GRM8: variants seen among roughly 807,000 people sequenced by gnomAD.
The protein encoded by GRM8 is metabotropic glutamate receptor 8.
GRM8 carries 47 observed loss-of-function variants against 87.2 expected under a neutral mutation model. That is an observed-to-expected ratio of 0.54 (90% CI 0.43 to 0.69). The LOEUF is 0.69. Among genes scored for constraint, GRM8 ranks in the 30% least tolerant of loss-of-function variants. The probability of loss-of-function intolerance (pLI) is 0.00; values close to 1 mark genes in which losing one functional copy is unlikely to be tolerated. For synonymous variants in GRM8, 396 were observed against 404.5 expected, an observed-to-expected ratio of 0.98 and a Z score of 0.25; for missense variants, 1,019 against 1,139.2, an observed-to-expected ratio of 0.89 and a Z score of 1.52.
chr7:126,910,341 CTTTCA>C (rs1244062868), intron 3 of GRM8, among the ~76,000 whole-genome samples: 2 of 151,960 alleles, frequency 1.3e-5, no homozygotes, highest in Non-Finnish European at 2.9e-5. Context: ...TGAACCTTGT[CTTTCA>C]AATTTATCAG....
chr7:126,942,213 G>A (rs1807030647), intron 3 of GRM8, among the ~76,000 whole-genome samples: 1 of 152,202 alleles, frequency 6.6e-6, no homozygotes, highest in Non-Finnish European at 1.5e-5. Flanking sequence ...ACTATATTGA[G>A]AACGTACCTA....
At chr7:126,710,766 T>A (rs1811017141) in intron 7 of GRM8, among the ~76,000 whole-genome samples, 1 of 152,252 alleles carries the variant, frequency 6.6e-6, no homozygotes, top group South Asian at 2.1e-4. Flanking sequence ...CTTCCATTAA[T>A]CGTGAATGTT....
At chr7:126,718,951 T>G (rs1215230602) in intron 7 of GRM8, among the ~76,000 whole-genome samples, 1 of 152,238 alleles carries the variant, frequency 6.6e-6, no homozygotes, top group Non-Finnish European at 1.5e-5. Flanking sequence ...ATCTTTCATA[T>G]AGTTACTTTT....
intron 3 of GRM8, among the ~76,000 whole-genome samples, chr7:127,059,713 A>C (rs1043241653): frequency 1.3e-5 from 2 of 152,228 alleles, no homozygotes; most frequent in African/African-American, 2.4e-5. Context: ...AATAGCCTCT[A>C]GATAACTCAT....
rs551149996 is a variant in GRM8 at position 127,126,556 on chromosome 7, G to A, written c.511-19844C>T. On this transcript the variant is annotated intron_variant, in intron 2 of 10. Coordinates refer to ENST00000339582, the MANE Select transcript of GRM8 (RefSeq NM_000845.3). ...TATTCAGGTGATGGATACACTAAAAGCCAAGACTTCACCACTATATAATAT... is the reference window on the plus strand; with the variant it reads ...TATTCAGGTGATGGATACACTAAAAACCAAGACTTCACCACTATATAATAT... 5.9e-3 allele frequency among the ~76,000 whole-genome samples: 892 copies of A among 151,970 alleles called. 4 individuals are homozygous for A. Among genetic ancestry groups the A allele is most frequent in the Non-Finnish European group, 0.011 (726 of 67,846 alleles).
chr7:127,226,460 C>T (rs1024207175), intron 2 of GRM8, among the ~76,000 whole-genome samples: 13 of 152,188 alleles, frequency 8.5e-5, no homozygotes, highest in African/African-American at 3.1e-4. Flanking sequence ...CTGATCTGTA[C>T]CTGAGATTCT....
intron 3 of GRM8, among the ~76,000 whole-genome samples, chr7:126,995,671 CAAAATAAAAAGGAATAAA>C (rs1813111343): frequency 6.6e-6 from 1 of 150,936 alleles, no homozygotes; most frequent in Non-Finnish European, 1.5e-5. Context: ...TCAAAGGAGA[CAAAATAAAAAGGAATAAA>C]AAATAATAAA....
chr7:126,460,929 G>A (rs535004974), intron 9 of GRM8, among the ~76,000 whole-genome samples: 10 of 151,478 alleles, frequency 6.6e-5, no homozygotes, highest in Non-Finnish European at 1.5e-4. Context: ...ATATTTTAGA[G>A]CCATTAGTCA....
chr7:127,117,065 G>A (rs1000305899), intron 2 of GRM8, among the ~76,000 whole-genome samples: 1 of 152,074 alleles, frequency 6.6e-6, no homozygotes, highest in African/African-American at 2.4e-5. Context: ...GCAACTTTAA[G>A]TCAAGAGTCC....
intron 8 of GRM8, among the ~76,000 whole-genome samples, chr7:126,539,136 C>T (rs977348828): frequency 1.3e-5 from 2 of 151,756 alleles, no homozygotes; most frequent in African/African-American, 4.8e-5. Flanking sequence ...GCGAAGACTT[C>T]TCCTATTTTA....
intron 8 of GRM8, among the ~76,000 whole-genome samples, chr7:126,598,943 GT>G (rs1211423220): frequency 6.6e-6 from 1 of 152,010 alleles, no homozygotes; most frequent in Admixed American, 6.6e-5. Context: ...ACTCAGTCCC[GT>G]AAAGAAACTG....
At chr7:126,462,110 G>A (rs562164051) in intron 9 of GRM8, among the ~76,000 whole-genome samples, 1 of 151,612 alleles carries the variant, frequency 6.6e-6, no homozygotes, top group South Asian at 2.1e-4. Context: ...AATAAAACTA[G>A]TTATGACTTG....
At chr7:126,911,857 C>T (rs1803338105) in intron 3 of GRM8, among the ~76,000 whole-genome samples, 1 of 152,162 alleles carries the variant, frequency 6.6e-6, no homozygotes, top group South Asian at 2.1e-4. Context: ...TTGACTGGGC[C>T]ACATGCTGCC....
chr7:126,942,833 G>A (rs1450335593), intron 3 of GRM8, among the ~76,000 whole-genome samples: 1 of 152,114 alleles, frequency 6.6e-6, no homozygotes, highest in Non-Finnish European at 1.5e-5. Context: ...AGACTCATGA[G>A]AACTGGTCAT....
chr7:126,640,943 T>A (rs1233111139), intron 7 of GRM8, among the ~76,000 whole-genome samples: 1 of 152,106 alleles, frequency 6.6e-6, no homozygotes, highest in Non-Finnish European at 1.5e-5. Flanking sequence ...AAAAGTGAAT[T>A]ACCTCTAACC....
At chr7:126,460,948 C>A (rs1302410956) in intron 9 of GRM8, among the ~76,000 whole-genome samples, 1 of 151,442 alleles carries the variant, frequency 6.6e-6, no homozygotes, top group Non-Finnish European at 1.5e-5. Context: ...CACTCAGAAG[C>A]CCTAGGCATC....
chr7:126,686,087 C>T (rs1431407673), intron 7 of GRM8, among the ~76,000 whole-genome samples: 2 of 151,198 alleles, frequency 1.3e-5, no homozygotes, highest in Admixed American at 1.3e-4. Flanking sequence ...CCAGGGTCTC[C>T]TCTCTGCTGA....
intron 7 of GRM8, among the ~76,000 whole-genome samples, chr7:126,610,094 T>TC (rs1174131516): frequency 6.6e-6 from 1 of 152,182 alleles, no homozygotes; most frequent in African/African-American, 2.4e-5. Flanking sequence ...ATGATTGTTC[T>TC]CCCCCTTCAC....
intron 2 of GRM8, among the ~76,000 whole-genome samples, chr7:127,186,919 G>T (rs928230408): frequency 1.3e-5 from 2 of 152,174 alleles, no homozygotes; most frequent in African/African-American, 4.8e-5. Context: ...GGGACCTCAT[G>T]TGGGAAGTGT....
Sources: allele counts gnomAD v4.1 joint callset (sites outside exome capture counted in the v4.1 genomes callset), GRCh38; gene constraint gnomAD v4.1.1; transcripts MANE v1.5; gene names NCBI Gene and HGNC (gene_info 2026-07-23, HGNC 2026-07-21).